The following STOML3 variants were observed in gnomAD, a reference collection of about 807,000 sequenced individuals.
STOML3 encodes stomatin-like protein 3.
STOML3 carries 31 observed loss-of-function variants against 29.5 expected under a neutral mutation model. The observed-to-expected ratio is 1.05, with a 90% confidence interval of 0.79 to 1.42. The LOEUF (loss-of-function observed/expected upper bound fraction) is 1.42. STOML3 is among the 40% of genes most tolerant of loss of function. STOML3 has a pLI of 0.00. For synonymous variants in STOML3, 122 were observed against 139.8 expected (o/e 0.87, Z 0.90); for missense variants, 380 against 363.0 (o/e 1.05, Z -0.38).
Position 38,970,407 on chromosome 13 carries a change from G to A in STOML3, c.313-19C>T, listed in dbSNP as rs757669642. 2 of 1,603,506 alleles carry A rather than the reference G, an allele frequency of 1.2e-6. No homozygotes were observed. The highest frequency in any genetic ancestry group is 8.5e-7 in the Non-Finnish European group (1 of 1,171,240). Reference sequence around the variant, plus strand: ...TGAGGATCTGTGGAGTAAGAACAGGGCAAAATCACTTATTTATGACTTTCA... The same window carrying A: ...TGAGGATCTGTGGAGTAAGAACAGGACAAAATCACTTATTTATGACTTTCA... On this transcript the variant is annotated intron_variant, in intron 4 of 6. Transcript: ENST00000379631.
chr13:38,969,741 G>T (rs192556752), intron 5 of STOML3, among the ~76,000 whole-genome samples: 2 of 152,128 alleles, frequency 1.3e-5, no homozygotes, highest in Admixed American at 1.3e-4. Flanking sequence ...GATATTGGTG[G>T]CATGGTGTAA....
chr13:38,988,688 T>TAA (rs1868846865), intron 1 of STOML3, among the ~76,000 whole-genome samples: 1 of 136,692 alleles, frequency 7.3e-6, no homozygotes, highest in African/African-American at 2.7e-5. Context: ...ATATTTGATA[T>TAA]CAAACACATC....
chr13:38,972,997 G>A (rs999092234), intron 3 of STOML3, among the ~76,000 whole-genome samples: 5 of 147,814 alleles, frequency 3.4e-5, no homozygotes, highest in African/African-American at 7.5e-5. Context: ...GGTGGCTCAC[G>A]CCTGTAATCC....
chr13:38,970,952 C>T (rs947331797), intron 4 of STOML3, among the ~76,000 whole-genome samples: 2 of 152,102 alleles, frequency 1.3e-5, no homozygotes, highest in Non-Finnish European at 2.9e-5. Context: ...GAAGCAGAAC[C>T]TAGAACTGTC....
At position 38,970,287 on chromosome 13, in the gene STOML3, T is replaced by C. The variant is rs1370211544; in HGVS notation, c.414A>G (p.Gln138=). The part of the protein sequence containing the change: ...SAVANVNDVH[Q]ATFLLAQTTL... The stretch of plus-strand genomic sequence containing the variant: ...TGGTTTGAGCCAGCAGAAATGTTGC[T>C]TGATGGACATCGTTGACATTAGCCA... Residue 138 remains glutamine, a synonymous_variant, in exon 5 of 7, where the codon CAA becomes CAG. Transcript: ENST00000379631. 6.2e-7 allele frequency: 1 copy of C among 1,614,224 alleles called. No individual in the cohort carries two copies. The highest frequency in any genetic ancestry group is 8.5e-7 in the Non-Finnish European group (1 of 1,180,030).
chr13:38,971,378 T>C (rs2138008181), intron 4 of STOML3, among the ~76,000 whole-genome samples: 1 of 152,290 alleles, frequency 6.6e-6, no homozygotes, highest in East Asian at 1.9e-4. Context: ...CTAAGTGACA[T>C]GAAGACATCA....
Position 38,966,681 on chromosome 13 carries a change from A to T in STOML3, c.*144T>A. On this transcript the variant is annotated 3_prime_UTR_variant, in exon 7 of 7. Coordinates refer to ENST00000379631, the MANE Select transcript of STOML3 (RefSeq NM_145286.3). Reference sequence around the variant, plus strand: ...TTTTTTTCTTCTCTGTATAGCCTCTAGAGCTTTTTCCTGCCAATGCTCTTC... The same window carrying T: ...TTTTTTTCTTCTCTGTATAGCCTCTTGAGCTTTTTCCTGCCAATGCTCTTC... 1.4e-6 allele frequency: 1 copy of T among 707,314 alleles called. No homozygotes were observed. Among genetic ancestry groups the T allele is most frequent in the Non-Finnish European group, 2.4e-6 (1 of 418,696 alleles). The allele number at this position is 707,314 out of a possible 1,614,324, so 43.8% of individuals were successfully genotyped here. A position where few individuals can be genotyped will look rare whatever the true frequency, so the allele number is the denominator to read the frequency against.
At chr13:38,980,890 G>A (rs185751712) in intron 1 of STOML3, among the ~76,000 whole-genome samples, 1 of 152,306 alleles carries the variant, frequency 6.6e-6, no homozygotes, top group East Asian at 1.9e-4. Context: ...ACAGATACTA[G>A]GTTAATTACT....
Position 38,968,518 on chromosome 13 carries a change from G to T in STOML3, c.533C>A (p.Ala178Asp), listed in dbSNP as rs1247073006. ...CACCCGGATCCCCCACAGTTCGGTG[G>T]CATCATCAAGTAAAGTCTGTTTCCA... ...AHSIQTLLDD[A>D]TELWGIRVAR... The change falls in exon 6 of 7, where the codon GCC (alanine) becomes GAC (aspartate). Residue 178 changes from alanine (A) to aspartate (D), a missense_variant. Physicochemically the swap from Ala to Asp is moderately radical, Grantham distance 126. Coordinates refer to ENST00000379631, the MANE Select transcript of STOML3 (RefSeq NM_145286.3). 3.1e-6 allele frequency: 5 copies of T among 1,614,118 alleles called. No homozygotes were observed. Among genetic ancestry groups the T allele is most frequent in the African/African-American group, 1.3e-5 (1 of 75,036 alleles).
intron 3 of STOML3, among the ~76,000 whole-genome samples, chr13:38,974,346 G>A (rs2138012055): frequency 6.6e-6 from 1 of 152,112 alleles, no homozygotes; most frequent in Admixed American, 6.5e-5. Context: ...ACAGTGTTTG[G>A]TGAAGTGCTT....
Position 38,985,503 on chromosome 13 carries a change from C to G in STOML3, c.52+5167G>C, listed in dbSNP as rs143961786. Among the ~76,000 whole-genome samples the G allele has an allele frequency of 1.2e-3, 188 of 152,226 alleles. 1 individual carries two copies. The highest frequency in any genetic ancestry group is 2.2e-3 in the Non-Finnish European group (153 of 68,006). ...TTGCATCATCTTATCATTCTTCTTT[C>G]TCCCCATTCTCCCATGCTTTCAGTT... is the stretch of plus-strand genomic sequence containing the variant. On this transcript the variant is annotated intron_variant, in intron 1 of 6. Transcript: ENST00000379631.
chr13:38,981,012 T>C (rs1276310610), intron 1 of STOML3, among the ~76,000 whole-genome samples: 2 of 152,102 alleles, frequency 1.3e-5, no homozygotes, highest in Admixed American at 1.3e-4. Flanking sequence ...TTCCTTTCAA[T>C]CTGCAAAGAA....
Position 38,966,941 on chromosome 13 carries a change from T to C in STOML3, c.760A>G (p.Ser254Gly). 1 of 1,612,410 alleles carries C rather than the reference T, an allele frequency of 6.2e-7. No individual in the cohort carries two copies. Among genetic ancestry groups the C allele is most frequent in the Non-Finnish European group, 8.5e-7 (1 of 1,179,486 alleles). The stretch of plus-strand genomic sequence containing the variant: ...GAATTCTTCTCGGTGGCTACCGTGC[T>C]CAAGGTCTGCAGGTAGCGCAGCTGG... Reference protein sequence around the residue: ...ALQLRYLQTLSTVATEKNSTI... With the variant: ...ALQLRYLQTLGTVATEKNSTI... Residue 254 changes from serine (S) to glycine (G), a missense_variant, in exon 7 of 7, where the codon AGC becomes GGC. Coordinates refer to ENST00000379631, the MANE Select transcript of STOML3 (RefSeq NM_145286.3).
Position 38,976,528 on chromosome 13 carries a change from C to T in STOML3, c.229+12G>A, listed in dbSNP as rs376552949. The T allele has an allele frequency of 2.4e-5, 38 of 1,613,924 alleles. No homozygotes were observed. The highest frequency in any genetic ancestry group is 2.3e-4 in the South Asian group (21 of 91,042). On this transcript the variant is annotated intron_variant, in intron 3 of 6. Transcript: ENST00000379631. ...CCTGATCTTTCAGGGGCAGCCACCG[C>T]GTCATTCATACCTGGCCCCTTGGCT... is the stretch of plus-strand genomic sequence containing the variant.
Position 38,968,259 on chromosome 13 carries a change from GA to G in STOML3, c.651+140del. 8.6e-6 allele frequency: 11 copies of G among 1,280,834 alleles called. No individual in the cohort carries two copies. In the South Asian group the frequency reaches 1.6e-4, roughly 19 times the overall value. The allele number at this position is 1,280,834 out of a possible 1,614,324, so 79.3% of individuals were successfully genotyped here. ...GCTGCTGGTTACCTTTTAATTCAGG[GA>G]AAATTCTCAGTAAAACTGTGAAAAG... is the stretch of plus-strand genomic sequence containing the variant. On this transcript the variant is annotated intron_variant, in intron 6 of 6. Coordinates refer to ENST00000379631, the MANE Select transcript of STOML3 (RefSeq NM_145286.3).
At position 38,987,236 on chromosome 13, in the gene STOML3, G is replaced by A. The variant is rs147027805; in HGVS notation, c.52+3434C>T. ...GCACACAAGTGGCTTTCAAAAGCTG[G>A]TCCAGGCCTGGCACAGTGGCTCATG... On this transcript the variant is annotated intron_variant, in intron 1 of 6. Transcript: ENST00000379631. Among the ~76,000 whole-genome samples, 445 of 152,104 alleles carry A rather than the reference G, an allele frequency of 2.9e-3. 3 individuals carry two copies. Among genetic ancestry groups the A allele is most frequent in the African/African-American group, 0.01 (423 of 41,504 alleles).
chr13:38,970,990 G>A (rs4439630), intron 4 of STOML3, among the ~76,000 whole-genome samples: 99,992 of 151,912 alleles, frequency 0.66, 33,231 homozygotes, highest in East Asian at 0.88. Context: ...AGTCCCTACT[G>A]TAGGTCACTA....
intron 1 of STOML3, among the ~76,000 whole-genome samples, chr13:38,989,013 T>C (rs1442919853): frequency 6.8e-6 from 1 of 146,710 alleles, no homozygotes; most frequent in Non-Finnish European, 1.5e-5. Context: ...TTATATACTA[T>C]ATTATATAAG....
At chr13:38,977,169 T>C (rs947167727) in intron 1 of STOML3, among the ~76,000 whole-genome samples, 1 of 152,212 alleles carries the variant, frequency 6.6e-6, no homozygotes, top group Non-Finnish European at 1.5e-5. Flanking sequence ...TCCTGTGAAT[T>C]CTCGAGGTAA....
Sources: allele counts gnomAD v4.1 joint callset (sites outside exome capture counted in the v4.1 genomes callset), GRCh38; gene constraint gnomAD v4.1.1; transcripts MANE v1.5; gene names NCBI Gene and HGNC (gene_info 2026-07-23, HGNC 2026-07-21).